SNRPN: variants seen among roughly 807,000 people sequenced by gnomAD.
SNRPN encodes small nuclear ribonucleoprotein polypeptide N.
In SNRPN, 7 loss-of-function variants were observed where a neutral mutation model predicts 25.2. The ratio of observed to expected loss-of-function variants is 0.28; its 90% CI spans 0.16 to 0.52. The LOEUF (loss-of-function observed/expected upper bound fraction) is 0.52, where lower values mean the gene tolerates loss of function less well. Among genes scored for constraint, SNRPN ranks in the 20% least tolerant of loss-of-function variants. The probability of loss-of-function intolerance (pLI) is 0.96; values close to 1 mark genes in which losing one functional copy is unlikely to be tolerated. For missense variants in SNRPN, 196 were observed against 322.5 expected, an observed-to-expected ratio of 0.61 and a Z score of 3.00; for synonymous variants, 124 against 110.6, an observed-to-expected ratio of 1.12 and a Z score of -0.76.
chr15:24,884,690 T>C (rs2057034219), intron 1 of SNRPN, among the ~76,000 whole-genome samples: 1 of 152,208 alleles, frequency 6.6e-6, no homozygotes, highest in Admixed American at 6.5e-5. Context: ...TTACTTTCCA[T>C]TTACTATTAT....
chr15:24,977,966 A>C (rs1156866705), intron 8 of SNRPN, 50 bp downstream of exon 8: 1 of 1,483,312 alleles, frequency 6.7e-7, no homozygotes, highest in Non-Finnish European at 9.1e-7. Context: ...GATGAGAGAT[A>C]GCTTACTGAT....
chr15:24,907,318 C>A (rs2058868050), intron 2 of SNRPN, among the ~76,000 whole-genome samples: 1 of 152,156 alleles, frequency 6.6e-6, no homozygotes. Context: ...CGTGTTGAGG[C>A]CGGGCATGGT....
At chr15:24,902,455 A>T (rs777443603) in intron 2 of SNRPN, among the ~76,000 whole-genome samples, 1 of 152,214 alleles carries the variant, frequency 6.6e-6, no homozygotes, top group African/African-American at 2.4e-5. Flanking sequence ...GAAACTAAGT[A>T]TGAACAGATG....
At chr15:24,823,839 G>C (rs1223963916) in exon 1 of SNRPN, 5 of 152,126 alleles carry the variant, frequency 3.3e-5, no homozygotes, top group Non-Finnish European at 7.3e-5. Context: ...ATTTCATATT[G>C]CTTTTTTGGA....
At chr15:24,830,248 A>C (rs956063130) in intron 2 of SNRPN, among the ~76,000 whole-genome samples, 5 of 151,952 alleles carry the variant, frequency 3.3e-5, no homozygotes, top group African/African-American at 9.7e-5. Context: ...CTTGCTTTAC[A>C]GGCCTTTGGT....
chr15:24,956,455 T>C (rs1426992374), intron 1 of SNRPN, among the ~76,000 whole-genome samples: 2 of 151,964 alleles, frequency 1.3e-5, no homozygotes, highest in African/African-American at 4.8e-5. Context: ...GTACCCTCTT[T>C]AGGGTGCAGT....
At chr15:24,845,627 A>C (rs1458560731) in intron 2 of SNRPN, among the ~76,000 whole-genome samples, 1 of 152,128 alleles carries the variant, frequency 6.6e-6, no homozygotes. Context: ...AGAAAACGTG[A>C]AATAAGTAGT....
At chr15:24,919,299 C>T (rs2059897454) in intron 2 of SNRPN, among the ~76,000 whole-genome samples, 1 of 151,538 alleles carries the variant, frequency 6.6e-6, no homozygotes, top group South Asian at 2.1e-4. Context: ...GGCGTCGTGG[C>T]GGGCACCTGT....
In SNRPN at chr15:24,923,320, C is replaced by A. The variant is rs974403657; in HGVS notation, c.-391+3196C>A. Among the ~76,000 whole-genome samples the A allele has an allele frequency of 3.3e-5, 5 of 152,128 alleles. No homozygotes were observed. In the East Asian group the frequency reaches 9.7e-4, roughly 29 times the overall value. ...TATCCTGATTTATATAGGTACACAT[C>A]TCTCAAGGATCTGTAACTGGTAGTG... On this transcript the variant is annotated intron_variant, in intron 3 of 11. Coordinates refer to the SNRPN transcript ENST00000400097.
chr15:24,951,405 C>T (rs1014220952), upstream of SNRPN, among the ~76,000 whole-genome samples: 2 of 151,916 alleles, frequency 1.3e-5, no homozygotes, highest in East Asian at 1.9e-4. Context: ...AATGACTTAA[C>T]GATTGTGTCT....
In SNRPN at chr15:24,956,356, G is replaced by GGGGGGT. The variant is rs1555404329; in HGVS notation, c.-391+1297_-391+1302dup. Among the ~76,000 whole-genome samples, 3 of 149,642 alleles carry GGGGGGT rather than the reference G, an allele frequency of 2.0e-5. No individual in the cohort carries two copies. The East Asian group carries it at 5.9e-4, about 29-fold the overall frequency. On this transcript the variant is annotated intron_variant, in intron 1 of 9. Coordinates refer to ENST00000390687, the MANE Select transcript of SNRPN (RefSeq NM_003097.6). ...TTAGATCTGCGCAAGCGCTTCAGCG[G>GGGGGGT]GGGGGTGGCCGCTTCCTCCCTGTAG...
In SNRPN at chr15:24,934,063, C is replaced by T. The variant is rs558392206; in HGVS notation, c.-391+13939C>T. On this transcript the variant is annotated intron_variant, in intron 3 of 11. Transcript: ENST00000400097. ...CTGTAATCCCATCACTTTGGGAGGC[C>T]GAGGCGGGCGAATCACCTGAGTTTG... Among the ~76,000 whole-genome samples, 8 of 151,990 alleles carry T rather than the reference C, an allele frequency of 5.3e-5. No individual in the cohort carries two copies. In the South Asian group the frequency reaches 8.3e-4, roughly 16 times the overall value.
chr15:24,936,021 A>G (rs1459583132), intron 3 of SNRPN, among the ~76,000 whole-genome samples: 26 of 152,078 alleles, frequency 1.7e-4, no homozygotes, highest in Admixed American at 1.6e-3. Context: ...AGGCTGAGGC[A>G]GGAGAATCAC....
chr15:24,873,511 A>T (rs577642495), intron 1 of SNRPN, among the ~76,000 whole-genome samples: 1 of 146,366 alleles, frequency 6.8e-6, no homozygotes, highest in Non-Finnish European at 1.5e-5. Flanking sequence ...GCAGTGGTGC[A>T]ATCTTGGCTC....
upstream of SNRPN, among the ~76,000 whole-genome samples, chr15:24,950,894 C>G (rs1348326302): frequency 6.6e-6 from 1 of 150,474 alleles, no homozygotes; most frequent in African/African-American, 2.4e-5. Context: ...CGGAGTCCTG[C>G]TCTGTCGCCC....
At chr15:24,915,065 TGA>T (rs2059429564) in intron 2 of SNRPN, among the ~76,000 whole-genome samples, 1 of 152,058 alleles carries the variant, frequency 6.6e-6, no homozygotes. Context: ...TGGTGGAAGA[TGA>T]ACCTGATCAG....
At chr15:24,972,797 AT>A (rs34096716) in intron 3 of SNRPN, among the ~76,000 whole-genome samples, 65,680 of 151,902 alleles carry the variant, frequency 0.43, 15,536 homozygotes, top group African/African-American at 0.63. Flanking sequence ...CATGAGCTGC[AT>A]TAACAATTCC....
rs1406518637 is a variant in SNRPN at position 24,843,254 on chromosome 15, T to C, written c.-579+13349T>C. Among the ~76,000 whole-genome samples the C allele has an allele frequency of 2.0e-5, 3 of 152,178 alleles. No homozygotes were observed. In the East Asian group the frequency reaches 5.8e-4, roughly 29 times the overall value. ...TTATAAATATGGATAACTTGATGGA[T>C]ATTTGTGTTGAGGTATTATATGGTT... On this transcript the variant is annotated intron_variant, in intron 2 of 12. Coordinates refer to the SNRPN transcript ENST00000400100.
At chr15:24,848,228 C>CGGGGGCGGGGGCGGG (rs1159549164) in intron 2 of SNRPN, 1 of 21,442 alleles carries the variant, frequency 4.7e-5, no homozygotes, top group East Asian at 1.8e-3. Flanking sequence ...GCGGGGGCGG[C>CGGGGGCGGGGGCGGG]GGTGGGGGCG....
Sources: gnomAD v4.1 joint callset for allele counts (sites outside exome capture counted in the v4.1 genomes callset) on GRCh38, gnomAD v4.1.1 for gene constraint, MANE v1.5 for transcripts, NCBI Gene and HGNC (gene_info 2026-07-23, HGNC 2026-07-21) for gene names.